PCDHA8: variants seen among roughly 807,000 people sequenced by gnomAD.
PCDHA8 encodes protocadherin alpha 8, also known as protocadherin alpha-8.
PCDHA8 carries 53 observed loss-of-function variants against 61.8 expected under a neutral mutation model. The ratio of observed to expected loss-of-function variants is 0.86; its 90% confidence interval spans 0.69 to 1.08. The LOEUF is 1.08. Ranked by LOEUF, PCDHA8 falls within the 50% of genes least tolerant of loss-of-function variation. The pLI, the probability that PCDHA8 is intolerant of heterozygous loss-of-function variation, is 0.00. For synonymous variants in PCDHA8, 618 were observed against 556.6 expected (o/e 1.11, Z -1.55); for missense variants, 1,293 against 1,245.0 (o/e 1.04, Z -0.58).
At chr5:140,926,529 A>T in intron 1 of PCDHA8, 1 of 209,686 alleles carries the variant, frequency 4.8e-6, no homozygotes, top group Admixed American at 5.9e-5. Context: ...CTGCGCCCGC[A>T]GCCAGCGTGG....
At chr5:140,956,666 G>C (rs1232573740) in intron 1 of PCDHA8, among the ~76,000 whole-genome samples, 2 of 152,088 alleles carry the variant, frequency 1.3e-5, no homozygotes, top group African/African-American at 4.8e-5. Context: ...GGCCTTAAAG[G>C]AGTTAGGGAG....
intron 3 of PCDHA8, among the ~76,000 whole-genome samples, chr5:140,985,802 C>T (rs567648207): frequency 1.1e-4 from 16 of 146,640 alleles, no homozygotes; most frequent in African/African-American, 3.3e-4. Flanking sequence ...TGCAGTGGCA[C>T]GATCTCAGCT....
intron 3 of PCDHA8, among the ~76,000 whole-genome samples, chr5:140,987,227 AT>A (rs1395687024): frequency 4.6e-5 from 7 of 151,696 alleles, no homozygotes; most frequent in African/African-American, 1.7e-4. Context: ...AAAAAAAAAA[AT>A]AATAAATAAA....
intron 1 of PCDHA8, among the ~76,000 whole-genome samples, chr5:140,908,084 T>G (rs2073791096): frequency 6.6e-6 from 1 of 152,202 alleles, no homozygotes; most frequent in Non-Finnish European, 1.5e-5. Context: ...CACAACCAGG[T>G]GCACTGATTG....
intron 1 of PCDHA8, chr5:140,884,024 G>A: frequency 6.2e-7 from 1 of 1,613,318 alleles, no homozygotes; most frequent in Non-Finnish European, 8.5e-7. Flanking sequence ...GCGGTCGGTG[G>A]GTGCAGGCCA....
intron 1 of PCDHA8, among the ~76,000 whole-genome samples, chr5:140,935,347 T>C (rs886241397): frequency 1.3e-5 from 2 of 152,180 alleles, no homozygotes; most frequent in African/African-American, 4.8e-5. Flanking sequence ...ATACGTCAAA[T>C]CCCAGTTTTC....
Position 140,857,899 on chromosome 5 carries a change from A to G in PCDHA8, c.2394+14184A>G. On this transcript the variant is annotated intron_variant, in intron 1 of 3. Transcript: ENST00000531613. ...AATTGCAGTCGGCGGCGGTTGGTGC[A>G]CGCATCCCGTTTCGCGTGGGGCTGT... 7 of 1,597,716 alleles carry G rather than the reference A, an allele frequency of 4.4e-6. 1 individual carries two copies. The highest frequency in any genetic ancestry group is 6.0e-6 in the Non-Finnish European group (7 of 1,167,490).
Position 141,011,329 on chromosome 5 carries a change from T to G in PCDHA8, c.*1392T>G, listed in dbSNP as rs924246191. 6.5e-6 allele frequency: 1 copy of G among 153,804 alleles called. No homozygotes were observed. Among genetic ancestry groups the G allele is most frequent in the African/African-American group, 2.4e-5 (1 of 41,472 alleles). 9.5% of individuals were successfully genotyped at this position (153,804 alleles called of 1,614,324 possible). ...TTGCTAATCTTACTAACACCTATGA[T>G]GTTACCTGAAATCAATCTCCCATAT... is the stretch of plus-strand genomic sequence containing the variant. On this transcript the variant is annotated 3_prime_UTR_variant, in exon 4 of 4. Coordinates refer to ENST00000531613, the MANE Select transcript of PCDHA8 (RefSeq NM_018911.3).
intron 1 of PCDHA8, chr5:140,856,310 C>T (rs782387382): frequency 5.0e-6 from 8 of 1,598,548 alleles, no homozygotes; most frequent in Non-Finnish European, 6.8e-6. Context: ...TGTGAATTCT[C>T]GGATTGACCG....
intron 1 of PCDHA8, among the ~76,000 whole-genome samples, chr5:140,888,140 G>A (rs2061708866): frequency 1.3e-5 from 2 of 152,080 alleles, no homozygotes; most frequent in Admixed American, 1.3e-4. Context: ...TTTTCTTGCT[G>A]TTTTGCATGA....
At chr5:140,881,918 A>G (rs1263343700) in intron 1 of PCDHA8, 3 of 252,356 alleles carry the variant, frequency 1.2e-5, no homozygotes, top group Non-Finnish European at 2.3e-5. Flanking sequence ...TGTTGAGCAG[A>G]ATGCAGTGAT....
intron 3 of PCDHA8, among the ~76,000 whole-genome samples, chr5:141,008,087 A>G (rs1033572346): frequency 7.2e-5 from 11 of 152,172 alleles, no homozygotes; most frequent in African/African-American, 2.7e-4. Flanking sequence ...GTTATTCTAC[A>G]TGACAAAGAA....
At chr5:140,933,119 G>A (rs782069505) in intron 1 of PCDHA8, among the ~76,000 whole-genome samples, 1 of 151,936 alleles carries the variant, frequency 6.6e-6, no homozygotes, top group African/African-American at 2.4e-5. Context: ...AAGAAACAAA[G>A]CTAAATAATA....
intron 1 of PCDHA8, among the ~76,000 whole-genome samples, chr5:140,974,729 G>C (rs1007565470): frequency 2.6e-5 from 4 of 152,032 alleles, no homozygotes; most frequent in African/African-American, 9.7e-5. Flanking sequence ...TCGAACTCCT[G>C]TCTCCACCTT....
At chr5:140,871,140 C>T (rs939950931) in intron 1 of PCDHA8, 2 of 1,613,336 alleles carry the variant, frequency 1.2e-6, no homozygotes, top group Non-Finnish European at 8.5e-7. Context: ...AGGCCTCTTC[C>T]CGGACTTTGG....
intron 1 of PCDHA8, chr5:140,851,311 T>C (rs1484638965): frequency 1.0e-6 from 1 of 1,000,128 alleles, no homozygotes; most frequent in Non-Finnish European, 1.2e-6. Context: ...TAGCAATTGT[T>C]ACCTTGTTAA....
rs2150367479 is a variant in PCDHA8, at chr5:140,843,905, G to A, written c.2394+190G>A. 8 of 645,878 alleles carry A rather than the reference G, an allele frequency of 1.2e-5. 1 individual carries two copies. Among genetic ancestry groups the A allele is most frequent in the African/African-American group, 1.8e-5 (1 of 54,098 alleles). 40.0% of individuals were successfully genotyped at this position (645,878 alleles called of 1,614,324 possible). ...ATACAGTATTAATCATTCTCCACAA[G>A]TTGGGTCTATCTTGAAACTCAAGTT... On this transcript the variant is annotated intron_variant, in intron 1 of 3. Coordinates refer to ENST00000531613, the MANE Select transcript of PCDHA8 (RefSeq NM_018911.3).
intron 1 of PCDHA8, chr5:140,882,928 C>T: frequency 6.2e-7 from 1 of 1,614,140 alleles, no homozygotes; most frequent in Non-Finnish European, 8.5e-7. Context: ...GAGGTAAACC[C>T]GAGCTGACTG....
chr5:140,892,468 C>T (rs1184778883), intron 1 of PCDHA8, among the ~76,000 whole-genome samples: 10 of 152,150 alleles, frequency 6.6e-5, no homozygotes, highest in Admixed American at 3.3e-4. Flanking sequence ...TACGGTTATT[C>T]AGTTTCCTAG....
Sources: gnomAD v4.1 joint callset for allele counts (sites outside exome capture counted in the v4.1 genomes callset) on GRCh38, gnomAD v4.1.1 for gene constraint, MANE v1.5 for transcripts, NCBI Gene and HGNC (gene_info 2026-07-23, HGNC 2026-07-21) for gene names.